Variants in CD83 observed in about 807,000 individuals in gnomAD.
CD83 encodes the protein CD83 antigen.
Under a neutral mutation model 24.6 loss-of-function variants are expected in CD83, and 22 were observed. The ratio of observed to expected loss-of-function variants is 0.90; its 90% CI spans 0.64 to 1.28. The LOEUF is 1.28. Among genes scored for constraint, CD83 ranks in the 50% most tolerant of loss-of-function variants. The pLI, the probability that CD83 is intolerant of heterozygous loss-of-function variation, is 0.00. For missense variants in CD83, 253 were observed against 252.8 expected (o/e 1.00, Z -0.01); for synonymous variants, 101 against 103.5 (o/e 0.98, Z 0.14).
At position 14,120,241 on chromosome 6, in the gene CD83, A is replaced by AT. The variant is rs1286714542; in HGVS notation, c.153+2184dup. On this transcript the variant is annotated intron_variant, in intron 2 of 4. Coordinates refer to ENST00000379153, the MANE Select transcript of CD83 (RefSeq NM_004233.4). ...AGTGACATATATTGTTCCTTTAAGC[A>AT]TTTTTTTTAAAACAGCTCTCAGCAT... Among the ~76,000 whole-genome samples, 10 of 152,128 alleles carry AT rather than the reference A, an allele frequency of 6.6e-5. No homozygotes were observed. The East Asian group carries it at 1.5e-3, about 23-fold the overall frequency.
At chr6:14,133,439 A>G (rs1229372856) in intron 3 of CD83, among the ~76,000 whole-genome samples, 2 of 152,224 alleles carry the variant, frequency 1.3e-5, no homozygotes, top group African/African-American at 4.8e-5. Context: ...GAAAGATGCC[A>G]TGTGAGAGTC....
intron 4 of CD83, 119 bp downstream of exon 4, chr6:14,133,874 C>G (rs1757983223): frequency 4.6e-6 from 3 of 651,200 alleles, no homozygotes; most frequent in Non-Finnish European, 7.7e-6. Context: ...TTCTTTGAAC[C>G]CTGGACTTTT....
intron 2 of CD83, among the ~76,000 whole-genome samples, chr6:14,124,239 T>G (rs1759735834): frequency 6.6e-6 from 1 of 152,196 alleles, no homozygotes. Flanking sequence ...GGAGGACCAG[T>G]CTACTGCATA....
intron 4 of CD83, 30 bp downstream of exon 4, chr6:14,133,785 A>G: frequency 7.2e-7 from 1 of 1,394,986 alleles, no homozygotes; most frequent in Non-Finnish European, 1.0e-6. Flanking sequence ...ATCTTCTCTT[A>G]TTAAAAGATT....
At chr6:14,125,695 G>A (rs1397298742) in intron 2 of CD83, among the ~76,000 whole-genome samples, 1 of 152,184 alleles carries the variant, frequency 6.6e-6, no homozygotes, top group East Asian at 1.9e-4. Context: ...CCCACGGGAT[G>A]CTAATAGAAG....
At chr6:14,118,089 C>T in intron 2 of CD83, 24 bp downstream of exon 2, 2 of 1,549,736 alleles carry the variant, frequency 1.3e-6, no homozygotes, top group Non-Finnish European at 1.8e-6. Flanking sequence ...TACCCACGGG[C>T]TGGGGTTTGG....
intron 2 of CD83, among the ~76,000 whole-genome samples, chr6:14,119,697 C>A (rs1272339877): frequency 1.3e-5 from 2 of 152,178 alleles, no homozygotes; most frequent in Admixed American, 1.3e-4. Flanking sequence ...CAAAGTGCCC[C>A]TGGGCTAACC....
rs756863673 is a variant in CD83 at position 14,117,995 on chromosome 6, C to T, written c.83C>T (p.Ser28Phe). 2.2e-5 allele frequency: 35 copies of T among 1,611,374 alleles called. 1 individual carries two copies. In the Admixed American group the frequency reaches 4.8e-4, roughly 22 times the overall value. The change falls in exon 2 of 5, where the codon TCC (serine) becomes TTC (phenylalanine). Residue 28 changes from serine to phenylalanine, a missense_variant. Coordinates refer to ENST00000379153, the MANE Select transcript of CD83 (RefSeq NM_004233.4). The surrounding 1 kb of genome is among the most constrained non-coding windows in gnomAD (Gnocchi z 4.6). ...PATPEVKVAC[S>F]EDVDLPCTAP... ...ACGCCGGAGGTGAAGGTGGCTTGCT[C>T]CGAAGATGTGGACTTGCCCTGCACC...
At position 14,131,728 on chromosome 6, in the gene CD83, A is replaced by G. The variant is rs1394597562; in HGVS notation, c.362A>G (p.Lys121Arg). Residue 121 changes from lysine to arginine, a missense_variant, in exon 3 of 5, where the codon AAG (lysine) becomes AGG (arginine). By Grantham distance (26) the Lys-to-Arg change is conservative. Transcript: ENST00000379153. ...GATGGGCAGAGAAACCTAAGTGGCAAGGTGATCTTGAGAGTGACAGGTGAG... is the reference window on the plus strand; with the variant it reads ...GATGGGCAGAGAAACCTAAGTGGCAGGGTGATCTTGAGAGTGACAGGTGAG... ...DPDGQRNLSG[K>R]VILRVTGCPA... The G allele has an allele frequency of 6.2e-7, 1 of 1,613,532 alleles. No homozygotes were observed. The highest frequency in any genetic ancestry group is 8.5e-7 in the Non-Finnish European group (1 of 1,179,536).
In CD83 at chr6:14,117,914, G is replaced by T. The variant is rs1028325351; in HGVS notation, c.38-36G>T. The T allele has an allele frequency of 1.3e-6, 2 of 1,589,856 alleles. No individual in the cohort carries two copies. Among genetic ancestry groups the T allele is most frequent in the Non-Finnish European group, 1.7e-6 (2 of 1,171,620 alleles). On this transcript the variant is annotated intron_variant, in intron 1 of 4. Transcript: ENST00000379153. The surrounding 1 kb of genome is among the most constrained non-coding windows in gnomAD (Gnocchi z 4.6). ...CCCTCCACGACACCCCCTCCCGTCG[G>T]TCGCTTGCTCACGACGCGCTCTCTC...
chr6:14,126,660 T>C (rs1292418570), intron 2 of CD83, among the ~76,000 whole-genome samples: 4 of 152,238 alleles, frequency 2.6e-5, no homozygotes, highest in African/African-American at 7.2e-5. Context: ...AAGATATTAA[T>C]GCTCATACAT....
chr6:14,131,154 CAA>C (rs1449204865), intron 2 of CD83, among the ~76,000 whole-genome samples: 1 of 152,124 alleles, frequency 6.6e-6, no homozygotes, highest in East Asian at 1.9e-4. Context: ...CTGAAGAAAA[CAA>C]GAGAACATTT....
Position 14,133,663 on chromosome 6 carries a change from C to T in CD83, c.397C>T (p.Arg133Cys), listed in dbSNP as rs201764790. 9.2e-5 allele frequency: 148 copies of T among 1,611,772 alleles called. No individual in the cohort carries two copies. In the East Asian group the frequency reaches 2.9e-3, roughly 31 times the overall value. ...ILRVTGCPAQ[R>C]KEETFKKYRA... ...CTTTTTTAAAGGATGCCCTGCACAG[C>T]GTAAAGAAGAGACTTTTAAGAAATA... Residue 133 changes from arginine to cysteine, a missense_variant, in exon 4 of 5, where the codon CGT (arginine) becomes TGT (cysteine). Transcript: ENST00000379153.
chr6:14,125,957 A>G (rs1000797815), intron 2 of CD83, among the ~76,000 whole-genome samples: 2 of 152,218 alleles, frequency 1.3e-5, no homozygotes, highest in African/African-American at 2.4e-5. Flanking sequence ...GTGGAAAGCT[A>G]TCACAGACAA....
At chr6:14,120,974 C>G (rs1395621338) in intron 2 of CD83, among the ~76,000 whole-genome samples, 4 of 152,106 alleles carry the variant, frequency 2.6e-5, no homozygotes, top group Non-Finnish European at 1.5e-5. Flanking sequence ...AAAGGTGAAG[C>G]CAAAAGTGGA....
intron 2 of CD83, among the ~76,000 whole-genome samples, chr6:14,124,726 A>G (rs1049794558): frequency 6.6e-6 from 1 of 152,212 alleles, no homozygotes; most frequent in African/African-American, 2.4e-5. Context: ...TGGCTTATAT[A>G]TAATTGGAAT....
At chr6:14,131,403 C>T (rs1021523877) in intron 2 of CD83, 117 bp from the exon 3 acceptor site, 24 of 716,498 alleles carry the variant, frequency 3.3e-5, no homozygotes, top group Non-Finnish European at 4.8e-5. Flanking sequence ...AAAAGCATCA[C>T]GTCTTGTTTT....
rs1478180989 is a variant in CD83, at chr6:14,117,804, C to T, written c.-8C>T. On this transcript the variant is annotated 5_prime_UTR_variant, in exon 1 of 5. Coordinates refer to ENST00000379153, the MANE Select transcript of CD83 (RefSeq NM_004233.4). This position sits in a 1 kb window ranked among gnomAD's most constrained non-coding sequence, Gnocchi z 4.6. ...TGCAGCTCGTGGCAGCGGCGCAGCG[C>T]TCCAGCCATGTCGCGCGGCCTCCAG... is the stretch of plus-strand genomic sequence containing the variant. 1.3e-6 allele frequency: 2 copies of T among 1,546,840 alleles called. No individual in the cohort carries two copies. Among genetic ancestry groups the T allele is most frequent in the Non-Finnish European group, 1.7e-6 (2 of 1,153,518 alleles).
In CD83 at chr6:14,133,006, C is replaced by T. The variant is rs529061282; in HGVS notation, c.383-643C>T. 2.8e-3 allele frequency among the ~76,000 whole-genome samples: 430 copies of T among 152,354 alleles called. 4 individuals are homozygous for T. The highest frequency in any genetic ancestry group is 6.8e-3 in the Middle Eastern group (2 of 294). On this transcript the variant is annotated intron_variant, in intron 3 of 4. Transcript: ENST00000379153. ...GGCCTCGCTGCTCTTACCCTCCCTT[C>T]GTGCTGCACCAAACCCTTTAACAGC... is the stretch of plus-strand genomic sequence containing the variant.
Sources: gnomAD v4.1 joint callset for allele counts (sites outside exome capture counted in the v4.1 genomes callset) on GRCh38, gnomAD v4.1.1 for gene constraint, Gnocchi (gnomAD v3.1) non-coding constraint, MANE v1.5 for transcripts, NCBI Gene and HGNC (gene_info 2026-07-23, HGNC 2026-07-21) for gene names.